MAP2: variants seen among roughly 807,000 people sequenced by gnomAD.
MAP2 encodes microtubule-associated protein 2.
In MAP2, 14 loss-of-function variants were observed where a neutral mutation model predicts 137.6. The ratio of observed to expected loss-of-function variants is 0.10; its 90% CI spans 0.07 to 0.16. The LOEUF is 0.16. Among genes scored for constraint, MAP2 ranks in the 10% least tolerant of loss-of-function variants. MAP2 has a pLI of 1.00. For missense variants in MAP2, 2,088 were observed against 2,191.5 expected, an observed-to-expected ratio of 0.95 and a Z score of 0.94; for synonymous variants, 786 against 782.3, an observed-to-expected ratio of 1.00 and a Z score of -0.08.
intron 11 of MAP2, among the ~76,000 whole-genome samples, chr2:209,702,023 A>G (rs894933721): frequency 1.3e-5 from 2 of 152,170 alleles, no homozygotes; most frequent in East Asian, 1.9e-4. Flanking sequence ...AGTATGCAGT[A>G]TAATGTTTAG....
chr2:209,487,275 G>A (rs141062235), intron 1 of MAP2, among the ~76,000 whole-genome samples: 32 of 152,188 alleles, frequency 2.1e-4, no homozygotes, highest in Non-Finnish European at 3.5e-4. Flanking sequence ...CTCCGTTTTC[G>A]CTTATTAGTA....
chr2:209,594,888 G>A (rs561420896), intron 3 of MAP2, among the ~76,000 whole-genome samples: 6 of 152,122 alleles, frequency 3.9e-5, no homozygotes, highest in South Asian at 2.1e-4. Context: ...GAATATAAAT[G>A]TCAACTGTCT....
rs574762926 is a variant in MAP2 at position 209,628,699 on chromosome 2, A to G, written c.-30+3570A>G. Reference sequence around the variant, plus strand: ...TCAAAAATAAAGCCCACACTCCTACAATGGCCAACAAGATGCTACATATAC... The same window carrying G: ...TCAAAAATAAAGCCCACACTCCTACGATGGCCAACAAGATGCTACATATAC... On this transcript the variant is annotated intron_variant, in intron 4 of 15. Transcript: ENST00000682079. Among the ~76,000 whole-genome samples the G allele has an allele frequency of 2.6e-4, 39 of 152,302 alleles. No individual in the cohort carries two copies. In the South Asian group the frequency reaches 7.3e-3, roughly 28 times the overall value.
At chr2:209,658,798 C>A (rs573126569) in intron 5 of MAP2, among the ~76,000 whole-genome samples, 2 of 152,110 alleles carry the variant, frequency 1.3e-5, no homozygotes, top group East Asian at 3.9e-4. Flanking sequence ...TGAGCCACTG[C>A]GCCCGGCCGA....
chr2:209,465,454 A>G (rs1703896627), intron 1 of MAP2, among the ~76,000 whole-genome samples: 1 of 152,112 alleles, frequency 6.6e-6, no homozygotes, highest in South Asian at 2.1e-4. Context: ...TTGTAAGAGG[A>G]GGACACACAA....
Position 209,628,978 on chromosome 2 carries a change from A to G in MAP2, c.-30+3849A>G, listed in dbSNP as rs112638064. Among the ~76,000 whole-genome samples the G allele has an allele frequency of 1.8e-3, 281 of 152,300 alleles. 3 individuals are homozygous for G. Among genetic ancestry groups the G allele is most frequent in the African/African-American group, 6.4e-3 (266 of 41,576 alleles). ...TTAAGGATTCCTTTGGTTTGTTTCAACAGAGGCCATCACATCTGCAATGCT... is the reference window on the plus strand; with the variant it reads ...TTAAGGATTCCTTTGGTTTGTTTCAGCAGAGGCCATCACATCTGCAATGCT... On this transcript the variant is annotated intron_variant, in intron 4 of 15. Coordinates refer to ENST00000682079, the MANE Select transcript of MAP2 (RefSeq NM_001375505.1).
chr2:209,586,016 G>A (rs1187602484), intron 3 of MAP2, among the ~76,000 whole-genome samples: 1 of 152,084 alleles, frequency 6.6e-6, no homozygotes, highest in Non-Finnish European at 1.5e-5. Context: ...TGTTTTTTAG[G>A]CCTAGTTTTA....
chr2:209,472,270 G>A (rs1046003576), intron 1 of MAP2, among the ~76,000 whole-genome samples: 20 of 152,188 alleles, frequency 1.3e-4, no homozygotes, highest in African/African-American at 4.8e-4. Context: ...CAGAGCAAGT[G>A]TGTGTCTGGG....
chr2:209,683,932 G>T (rs897140940), intron 7 of MAP2, among the ~76,000 whole-genome samples: 1 of 151,898 alleles, frequency 6.6e-6, no homozygotes, highest in East Asian at 1.9e-4. Context: ...AAAAATTTAA[G>T]ATGTTAATTA....
At chr2:209,581,983 C>G (rs1342352933) in intron 3 of MAP2, among the ~76,000 whole-genome samples, 1 of 152,008 alleles carries the variant, frequency 6.6e-6, no homozygotes, top group African/African-American at 2.4e-5. Context: ...AATTTGACTA[C>G]TAGAGTCAAA....
chr2:209,475,535 G>A (rs1293531886), intron 1 of MAP2, among the ~76,000 whole-genome samples: 2 of 152,020 alleles, frequency 1.3e-5, no homozygotes, highest in Non-Finnish European at 2.9e-5. Context: ...GAGAGGAAAA[G>A]CCTCATAAAA....
At chr2:209,714,413 A>C (rs1467053127) in intron 13 of MAP2, among the ~76,000 whole-genome samples, 5 of 152,168 alleles carry the variant, frequency 3.3e-5, no homozygotes, top group Non-Finnish European at 7.3e-5. Flanking sequence ...TAATGACTAC[A>C]GTCAGTCATT....
chr2:209,723,446 GTTC>G, intron 13 of MAP2: 2 of 624,064 alleles, frequency 3.2e-6, no homozygotes, highest in Non-Finnish European at 5.8e-6. Context: ...TGATAGAACA[GTTC>G]TTCAGTTCCA....
intron 6 of MAP2, 42 bp from the exon 7 acceptor site, chr2:209,680,708 G>A: frequency 6.5e-7 from 1 of 1,528,962 alleles, no homozygotes; most frequent in Non-Finnish European, 9.1e-7. Flanking sequence ...AGCCTAAAAG[G>A]ATTAATTATT....
intron 13 of MAP2, among the ~76,000 whole-genome samples, chr2:209,723,270 C>A (rs2072124581): frequency 6.6e-6 from 1 of 152,150 alleles, no homozygotes; most frequent in African/African-American, 2.4e-5. Context: ...GAGCCTGAGT[C>A]CCAGTGTTGC....
At chr2:209,508,799 A>G (rs2061393638) in intron 2 of MAP2, among the ~76,000 whole-genome samples, 1 of 152,054 alleles carries the variant, frequency 6.6e-6, no homozygotes, top group Admixed American at 6.6e-5. Context: ...GTATTATTTT[A>G]TTAAGTGTTT....
At chr2:209,560,050 A>G (rs569890930) in intron 2 of MAP2, among the ~76,000 whole-genome samples, 7 of 152,126 alleles carry the variant, frequency 4.6e-5, no homozygotes, top group Admixed American at 2.0e-4. Flanking sequence ...TGTGCAGGGA[A>G]TAAGTAGGAG....
chr2:209,707,259 A>G (rs948840279), intron 12 of MAP2, among the ~76,000 whole-genome samples: 3 of 152,156 alleles, frequency 2.0e-5, no homozygotes, highest in Non-Finnish European at 4.4e-5. Flanking sequence ...CACCAATTCT[A>G]TTTTGACTTT....
At chr2:209,601,775 A>C (rs1166044883) in intron 3 of MAP2, among the ~76,000 whole-genome samples, 1 of 152,210 alleles carries the variant, frequency 6.6e-6, no homozygotes, top group Non-Finnish European at 1.5e-5. Context: ...TGCGACATAC[A>C]GATAGGATAA....
Sources: gnomAD v4.1 joint callset for allele counts (sites outside exome capture counted in the v4.1 genomes callset) on GRCh38, gnomAD v4.1.1 for gene constraint, MANE v1.5 for transcripts, NCBI Gene and HGNC (gene_info 2026-07-23, HGNC 2026-07-21) for gene names.